ZBED1: variants seen among roughly 807,000 people sequenced by gnomAD.
The protein encoded by ZBED1 is zinc finger BED-type containing 1, also known as E3 SUMO-protein ligase ZBED1.
A neutral mutation model predicts 49.7 loss-of-function variants in ZBED1; 19 were observed. That is an observed-to-expected ratio of 0.38 (90% CI 0.27 to 0.56). The LOEUF is 0.56. Ranked by LOEUF, ZBED1 falls within the 20% of genes least tolerant of loss-of-function variation. The pLI is 0.70. For synonymous variants in ZBED1, 439 were observed against 440.3 expected (o/e 1.00, Z 0.04); for missense variants, 806 against 972.6 (o/e 0.83, Z 2.28).
intron 1 of ZBED1, among the ~76,000 whole-genome samples, chrX:2,492,043 AC>A (rs2045163233): frequency 1.3e-5 from 2 of 152,154 alleles, no homozygotes; most frequent in African/African-American, 4.8e-5. Context: ...AAAATGCACC[AC>A]CCAGGCACGT....
At position 2,490,608 on chromosome X, in the gene ZBED1, A is replaced by G; in HGVS notation, c.112T>C (p.Cys38Arg). 6.2e-7 allele frequency: 1 copy of G among 1,613,954 alleles called. No homozygotes were observed. The highest frequency in any genetic ancestry group is 8.5e-7 in the Non-Finnish European group (1 of 1,179,860). The change falls in exon 2 of 2, where the codon TGC becomes CGC. Residue 38 changes from cysteine to arginine, a missense_variant. Around this residue, in one of 2 missense-constraint regions of ZBED1, gnomAD observed 57 missense variants for 111.3 expected, o/e 0.51. Coordinates refer to ENST00000652001, the MANE Select transcript of ZBED1 (RefSeq NM_001171136.2). Reference sequence around the variant, plus strand: ...TAGATTTTCTTCCACTGCAGGATGCATCCCTCGGCGTTGGTGTCGAAGCCG... The same window carrying G: ...TAGATTTTCTTCCACTGCAGGATGCGTCCCTCGGCGTTGGTGTCGAAGCCG... ...YFGFDTNAEG[C>R]ILQWKKIYCR... is the part of the protein sequence containing the mutation.
intron 1 of ZBED1, chrX:2,500,557 G>C (rs977786109): frequency 1.2e-5 from 2 of 173,476 alleles, no homozygotes; most frequent in Admixed American, 6.3e-5. Context: ...CACACGCGCG[G>C]GGAGGGAAGG....
Position 2,489,274 on chromosome X carries a change from C to T in ZBED1, c.1446G>A (p.Leu482=), listed in dbSNP as rs1218397138. 1 of 1,613,984 alleles carries T rather than the reference C, an allele frequency of 6.2e-7. No homozygotes were observed. The highest frequency in any genetic ancestry group is 8.5e-7 in the Non-Finnish European group (1 of 1,179,858). Reference sequence around the variant, plus strand: ...GCCGCTCGAAGGCGGAGAGGAAGGGCAGCCTCTTGTAGCGGGGGTCCAGGA... The same window carrying T: ...GCCGCTCGAAGGCGGAGAGGAAGGGTAGCCTCTTGTAGCGGGGGTCCAGGA... ...ATFLDPRYKR[L]PFLSAFERQQ... Residue 482 remains leucine (L), a synonymous_variant, in exon 2 of 2, where the codon CTG becomes CTA. Transcript: ENST00000652001.
At chrX:2,490,932 G>C (rs781289827) in intron 1 of ZBED1, among the ~76,000 whole-genome samples, 160 bp from the exon 2 acceptor site, 2 of 152,316 alleles carry the variant, frequency 1.3e-5, no homozygotes, top group South Asian at 4.1e-4. Context: ...TTGCAGAGTG[G>C]AGGAGGGAAC....
intron 1 of ZBED1, among the ~76,000 whole-genome samples, chrX:2,498,625 GA>G (rs10624636): frequency 0.05 from 6,372 of 128,704 alleles, 170 homozygotes; most frequent in Middle Eastern, 0.12. Flanking sequence ...CAGTAAATGG[GA>G]AAAAAAAAAA....
intron 1 of ZBED1, among the ~76,000 whole-genome samples, chrX:2,492,969 C>A (rs1272702633): frequency 6.6e-6 from 1 of 152,232 alleles, no homozygotes; most frequent in Non-Finnish European, 1.5e-5. Context: ...TCGCGGCCTG[C>A]GTTGCTGGCT....
Position 2,486,901 on chromosome X carries a change from GA to G in ZBED1, c.*1733del, listed in dbSNP as rs2044952178. On this transcript the variant is annotated 3_prime_UTR_variant, in exon 2 of 2. Coordinates refer to ENST00000652001, the MANE Select transcript of ZBED1 (RefSeq NM_001171136.2). ...GCAGCCCTGAGAAGTCAGCAGCCGT[GA>G]AAGGCAGGTAGTTCCTTTGCCCTCT... 6.6e-6 allele frequency: 1 copy of G among 152,284 alleles called. No individual in the cohort carries two copies. The highest frequency in any genetic ancestry group is 1.5e-5 in the Non-Finnish European group (1 of 68,074). 9.4% of individuals were successfully genotyped at this position (152,284 alleles called of 1,614,324 possible). A position where few individuals can be genotyped will look rare whatever the true frequency, so the allele number is the denominator to read the frequency against.
intron 1 of ZBED1, chrX:2,500,445 C>T (rs1445681225): frequency 6.1e-6 from 1 of 162,718 alleles, no homozygotes; most frequent in Non-Finnish European, 1.4e-5. Context: ...GGCGTGCGAG[C>T]CCCCGGGTCC....
chrX:2,489,120 G>T lies in ZBED1; in HGVS notation c.1600C>A (p.Arg534=). 6.2e-7 allele frequency: 1 copy of T among 1,613,516 alleles called. No homozygotes were observed. Among genetic ancestry groups the T allele is most frequent in the Non-Finnish European group, 8.5e-7 (1 of 1,179,840 alleles). The change falls in exon 2 of 2, where the codon CGG becomes AGG. Residue 534 remains arginine, a synonymous_variant. Coordinates refer to ENST00000652001, the MANE Select transcript of ZBED1 (RefSeq NM_001171136.2). The part of the protein sequence containing the change: ...PEEPPVKKLM[R]TSTPPPASVI... ...CTGGCGGGCGGCGGCGTGGATGTCC[G>T]CATGAGCTTCTTGACGGGAGGCTCC... is the stretch of plus-strand genomic sequence containing the variant.
chrX:2,495,948 G>A (rs995020994), intron 1 of ZBED1, among the ~76,000 whole-genome samples: 5 of 152,068 alleles, frequency 3.3e-5, no homozygotes, highest in South Asian at 2.1e-4. Flanking sequence ...GCCGCCATCC[G>A]TCCCTTTATG....
intron 1 of ZBED1, among the ~76,000 whole-genome samples, chrX:2,499,052 G>C (rs192306102): frequency 0.016 from 2,487 of 152,252 alleles, 60 homozygotes; most frequent in African/African-American, 0.049. Context: ...CTGGCTAGAG[G>C]CGGGAGAGAG....
intron 1 of ZBED1, 47 bp from the exon 2 acceptor site, chrX:2,490,819 G>A (rs1019153975): frequency 1.4e-5 from 21 of 1,494,140 alleles, no homozygotes; most frequent in Admixed American, 6.3e-5. Context: ...ACCCAGGCAC[G>A]CACGGGAGCC....
chrX:2,489,828 C>T lies in ZBED1; in HGVS notation c.892G>A (p.Gly298Ser), dbSNP rs371825564. 281 of 1,613,618 alleles carry T rather than the reference C, an allele frequency of 1.7e-4. No homozygotes were observed. Among genetic ancestry groups the T allele is most frequent in the Non-Finnish European group, 2.2e-4 (256 of 1,179,876 alleles). ...GGGAGCTGGAAGGCCTGCTGGATGC[C>T]GGCATTGAAGGTGTGGCCCAGGCAG... ...MPCLGHTFNA[G>S]IQQAFQLPKL... is the part of the protein sequence containing the mutation. Residue 298 changes from glycine (G) to serine (S), a missense_variant, in exon 2 of 2, where the codon GGC becomes AGC. Physicochemically the swap from Gly to Ser is moderately conservative, Grantham distance 56. Around this residue, in one of 2 missense-constraint regions of ZBED1, gnomAD observed 749 missense variants for 861.3 expected, o/e 0.87. Coordinates refer to ENST00000652001, the MANE Select transcript of ZBED1 (RefSeq NM_001171136.2).
intron 1 of ZBED1, among the ~76,000 whole-genome samples, chrX:2,494,949 G>T (rs964123550): frequency 4.6e-5 from 7 of 151,752 alleles, no homozygotes; most frequent in African/African-American, 1.7e-4. Context: ...TGGAGCAAAG[G>T]TTTATATTCT....
intron 1 of ZBED1, among the ~76,000 whole-genome samples, chrX:2,497,833 T>C (rs1266175336): frequency 6.6e-6 from 1 of 152,202 alleles, no homozygotes; most frequent in South Asian, 2.1e-4. Flanking sequence ...TTACTCAATA[T>C]GATCATTTTC....
At chrX:2,497,505 T>TA (rs997566346) in intron 1 of ZBED1, among the ~76,000 whole-genome samples, 12 of 150,340 alleles carry the variant, frequency 8.0e-5, no homozygotes, top group African/African-American at 1.5e-4. Flanking sequence ...CTTTACAGGT[T>TA]AAAAAAAAAA....
Position 2,489,325 on chromosome X carries a change from G to A in ZBED1, c.1395C>T (p.Ile465=), listed in dbSNP as rs768054618. 3.7e-5 allele frequency: 60 copies of A among 1,613,938 alleles called. 2 individuals carry two copies. The South Asian group carries it at 6.0e-4, about 16-fold the overall frequency. ...LSKTYQETPE[I]DMFLNVATFL... is the part of the protein sequence containing the mutation. ...AGGTGGCCACGTTGAGAAACATGTC[G>A]ATCTCGGGCGTCTCCTGGTAGGTCT... The change falls in exon 2 of 2, where the codon ATC becomes ATT. Residue 465 remains isoleucine (I), a synonymous_variant. Coordinates refer to ENST00000652001, the MANE Select transcript of ZBED1 (RefSeq NM_001171136.2).
chrX:2,499,661 C>G (rs890208117), intron 1 of ZBED1, among the ~76,000 whole-genome samples: 1 of 152,012 alleles, frequency 6.6e-6, no homozygotes, highest in African/African-American at 2.4e-5. Context: ...AAACCCAGCA[C>G]TTTGGGGGAC....
chrX:2,499,439 A>G (rs764444449), intron 1 of ZBED1, among the ~76,000 whole-genome samples: 52 of 151,808 alleles, frequency 3.4e-4, no homozygotes, highest in Admixed American at 5.9e-4. Flanking sequence ...CCTTTATTCC[A>G]GTTCACAAAT....
Sources: gnomAD v4.1 joint callset for allele counts (sites outside exome capture counted in the v4.1 genomes callset) on GRCh38, gnomAD v4.1.1 for gene constraint, gnomAD v4.1.1 regional missense constraint, MANE v1.5 for transcripts, NCBI Gene and HGNC (gene_info 2026-07-23, HGNC 2026-07-21) for gene names.